The following MFSD2A variants were observed in gnomAD, a reference collection of about 807,000 sequenced individuals.
The protein encoded by MFSD2A is sodium-dependent lysophosphatidylcholine symporter 1.
MFSD2A carries 27 observed loss-of-function variants against 64.7 expected under a neutral mutation model. The observed-to-expected ratio is 0.42, with a 90% CI of 0.31 to 0.58. The LOEUF is 0.58. Ranked by LOEUF, MFSD2A falls within the 20% of genes least tolerant of loss-of-function variation. MFSD2A has a pLI of 0.18. For synonymous variants in MFSD2A, 258 were observed against 273.4 expected (o/e 0.94, Z 0.55); for missense variants, 474 against 679.5 (o/e 0.70, Z 3.36).
In MFSD2A at chr1:39,968,829, A is replaced by G. The variant is rs924028360; in HGVS notation, c.1529+84A>G. The G allele has an allele frequency of 2.1e-6, 3 of 1,455,980 alleles. No individual in the cohort carries two copies. Among genetic ancestry groups the G allele is most frequent in the African/African-American group, 1.4e-5 (1 of 71,800 alleles). 90.2% of individuals were successfully genotyped at this position (1,455,980 alleles called of 1,614,324 possible). On this transcript the variant is annotated intron_variant, in intron 13 of 13. Coordinates refer to ENST00000372811, the MANE Select transcript of MFSD2A (RefSeq NM_032793.5). This position sits in a 1 kb window ranked among gnomAD's most constrained non-coding sequence, Gnocchi z 4.4. ...ATTTGTGTCTCCTGTGGCCAAGTCC[A>G]GACTCACCCCCCACACATCTTCTCT...
chr1:39,957,094 C>T lies in MFSD2A; in HGVS notation c.101C>T (p.Pro34Leu), dbSNP rs761444264. Residue 34 changes from proline (P) to leucine (L), a missense_variant, in exon 2 of 14, where the codon CCG becomes CTG. Coordinates refer to ENST00000372811, the MANE Select transcript of MFSD2A (RefSeq NM_032793.5). ...TTTTCCTCCTCTTCCCAGAAAGAAC[C>T]GAAAAAGAAGAAACAACAGTTGTCT... ...TERPAQVKKEPKKKKQQLSVC... is the reference protein window; with the variant it reads ...TERPAQVKKELKKKKQQLSVC... 7.4e-6 allele frequency: 12 copies of T among 1,613,842 alleles called. No homozygotes were observed. Among genetic ancestry groups the T allele is most frequent in the East Asian group, 2.2e-5 (1 of 44,888 alleles).
intron 8 of MFSD2A, 36 bp downstream of exon 8, chr1:39,966,968 G>A: frequency 6.2e-7 from 1 of 1,613,424 alleles, no homozygotes. Flanking sequence ...CTGAGAAGGA[G>A]GTGTAATGGG....
chr1:39,969,360 G>A, intron 13 of MFSD2A, 145 bp from the exon 14 acceptor site: 1 of 632,782 alleles, frequency 1.6e-6, no homozygotes, highest in Non-Finnish European at 2.8e-6. Flanking sequence ...ACCAACAGTT[G>A]AAAGTGGGAG....
In MFSD2A at chr1:39,966,678, G is replaced by A. The variant is rs779865422; in HGVS notation, c.792G>A (p.Val264=). Residue 264 remains valine (V), a synonymous_variant, in exon 7 of 14, where the codon GTG becomes GTA. Coordinates refer to ENST00000372811, the MANE Select transcript of MFSD2A (RefSeq NM_032793.5). ...IICAVILILG[V]REQREPYEAQ... is the part of the protein sequence containing the mutation. ...GTGCTGTCATCCTGATCCTGGGCGT[G>A]CGGGAGCAGAGAGGTAAGGGGGTGC... 4.3e-6 allele frequency: 7 copies of A among 1,613,916 alleles called. No individual in the cohort carries two copies. Among genetic ancestry groups the A allele is most frequent in the African/African-American group, 1.3e-5 (1 of 74,908 alleles).
rs532489730 is a variant in MFSD2A at position 39,957,070 on chromosome 1, T to G, written c.94-17T>G. 10 of 1,614,130 alleles carry G rather than the reference T, an allele frequency of 6.2e-6. No homozygotes were observed. The highest frequency in any genetic ancestry group is 1.1e-5 in the South Asian group (1 of 91,066). The stretch of plus-strand genomic sequence containing the variant: ...GGCCAGAACCTTGGGCCTTTCATCT[T>G]TTCCTCCTCTTCCCAGAAAGAACCG... On this transcript the variant is annotated splice_polypyrimidine_tract_variant and intron_variant, in intron 1 of 13. Coordinates refer to ENST00000372811, the MANE Select transcript of MFSD2A (RefSeq NM_032793.5).
intron 6 of MFSD2A, among the ~76,000 whole-genome samples, chr1:39,966,261 C>A (rs1032355678): frequency 2.0e-5 from 3 of 152,158 alleles, no homozygotes; most frequent in African/African-American, 7.2e-5. Flanking sequence ...GAATTCTGGG[C>A]TGTCAGACTC....
Position 39,960,215 on chromosome 1 carries a change from C to T in MFSD2A, c.353+1390C>T, listed in dbSNP as rs1482255507. 6.6e-6 allele frequency among the ~76,000 whole-genome samples: 1 copy of T among 152,206 alleles called. No homozygotes were observed. The highest frequency in any genetic ancestry group is 1.5e-5 in the Non-Finnish European group (1 of 68,028). ...GCGGGGGCTCTGGTTCCCTCCAGGA[C>T]ATCCTGCTTCAGGGTGTGGGGGGGC... On this transcript the variant is annotated intron_variant, in intron 3 of 13. Coordinates refer to ENST00000372811, the MANE Select transcript of MFSD2A (RefSeq NM_032793.5). The surrounding 1 kb of genome is among the most constrained non-coding windows in gnomAD (Gnocchi z 4.8).
intron 3 of MFSD2A, among the ~76,000 whole-genome samples, chr1:39,961,324 C>A (rs1557632410): frequency 7.3e-5 from 1 of 13,640 alleles, no homozygotes; most frequent in Non-Finnish European, 2.7e-4. Flanking sequence ...CTTCCCGCCC[C>A]CGCCCCCCCC....
At position 39,960,939 on chromosome 1, in the gene MFSD2A, G is replaced by A. The variant is rs1053954843; in HGVS notation, c.353+2114G>A. 1.3e-5 allele frequency among the ~76,000 whole-genome samples: 2 copies of A among 152,166 alleles called. No individual in the cohort carries two copies. Among genetic ancestry groups the A allele is most frequent in the Admixed American group, 6.5e-5 (1 of 15,278 alleles). On this transcript the variant is annotated intron_variant, in intron 3 of 13. Transcript: ENST00000372811. This position sits in a 1 kb window ranked among gnomAD's most constrained non-coding sequence, Gnocchi z 4.8. The stretch of plus-strand genomic sequence containing the variant: ...TGTATGCCTGCACGCGGGATGGCTC[G>A]TGGGCTGAAGGCTGGTGTGCATATG...
Position 39,968,614 on chromosome 1 carries a change from C to T in MFSD2A, c.1398C>T (p.Val466=). 1 of 1,614,186 alleles carries T rather than the reference C, an allele frequency of 6.2e-7. No individual in the cohort carries two copies. Among genetic ancestry groups the T allele is most frequent in the Non-Finnish European group, 8.5e-7 (1 of 1,180,032 alleles). Residue 466 remains valine (V), a synonymous_variant, in exon 13 of 14, where the codon GTC becomes GTT. Coordinates refer to ENST00000372811, the MANE Select transcript of MFSD2A (RefSeq NM_032793.5). The surrounding 1 kb of genome is among the most constrained non-coding windows in gnomAD (Gnocchi z 4.4). Reference sequence around the variant, plus strand: ...GTGGCTGCTCGCAGCCGGAACGTGTCAAGTTTACACTGAACATGCTCGTGA... The same window carrying T: ...GTGGCTGCTCGCAGCCGGAACGTGTTAAGTTTACACTGAACATGCTCGTGA... ...QTRGCSQPER[V]KFTLNMLVTM...
At position 39,958,947 on chromosome 1, in the gene MFSD2A, C is replaced by A; in HGVS notation, c.353+122C>A. ...GAGGAGAAGGAAGGAGTTAAAAGCC[C>A]AAGGGTGTTGAAACCCCATCCGAGG... is the stretch of plus-strand genomic sequence containing the variant. On this transcript the variant is annotated intron_variant, in intron 3 of 13. Coordinates refer to ENST00000372811, the MANE Select transcript of MFSD2A (RefSeq NM_032793.5). The surrounding 1 kb of genome is among the most constrained non-coding windows in gnomAD (Gnocchi z 4.7). The A allele has an allele frequency of 8.0e-7, 1 of 1,245,978 alleles. No individual in the cohort carries two copies. Among genetic ancestry groups the A allele is most frequent in the Non-Finnish European group, 1.1e-6 (1 of 903,182 alleles). 77.2% of individuals were successfully genotyped at this position (1,245,978 alleles called of 1,614,324 possible). A position where few individuals can be genotyped will look rare whatever the true frequency, so the allele number is the denominator to read the frequency against.
At chr1:39,962,623 G>A (rs1406382742) in intron 3 of MFSD2A, 12 of 826,190 alleles carry the variant, frequency 1.5e-5, no homozygotes, top group East Asian at 1.3e-4. Flanking sequence ...GGTGCCTTCC[G>A]CGGAGGTTTC....
At position 39,967,871 on chromosome 1, in the gene MFSD2A, C is replaced by CTGTGGCAGCTGGCATCAG; in HGVS notation, c.1175_1192dup (p.Gly392_Ala397dup). ...AACCTCATCATTACATATGCGGTAG[C>CTGTGGCAGCTGGCATCAG]TGTGGCAGCTGGCATCAGTGTGGCA... On this transcript the variant is annotated inframe_insertion, in exon 11 of 14. Transcript: ENST00000372811. 6.2e-7 allele frequency: 1 copy of CTGTGGCAGCTGGCATCAG among 1,613,948 alleles called. No homozygotes were observed. Among genetic ancestry groups the CTGTGGCAGCTGGCATCAG allele is most frequent in the South Asian group, 1.1e-5 (1 of 91,068 alleles).
At position 39,968,191 on chromosome 1, in the gene MFSD2A, C is replaced by T. The variant is rs1645204915; in HGVS notation, c.1209-143C>T. ...GTTACTTCCTCTTAGAGCAAGAGGC[C>T]TTTTCTTATTCATGTGAAGGTCCCA... On this transcript the variant is annotated intron_variant, in intron 11 of 13. Coordinates refer to ENST00000372811, the MANE Select transcript of MFSD2A (RefSeq NM_032793.5). This position sits in a 1 kb window ranked among gnomAD's most constrained non-coding sequence, Gnocchi z 4.4. 9.9e-7 allele frequency: 1 copy of T among 1,007,466 alleles called. No homozygotes were observed. Among genetic ancestry groups the T allele is most frequent in the Non-Finnish European group, 1.4e-6 (1 of 690,698 alleles). The allele number at this position is 1,007,466 out of a possible 1,614,324, so 62.4% of individuals were successfully genotyped here.
At position 39,967,664 on chromosome 1, in the gene MFSD2A, T is replaced by A. The variant is rs1645193036; in HGVS notation, c.1048T>A (p.Phe350Ile). Residue 350 changes from phenylalanine (F) to isoleucine (I), a missense_variant, in exon 10 of 14, where the codon TTC (phenylalanine) becomes ATC (isoleucine). Physicochemically the swap from Phe to Ile is conservative, Grantham distance 21 (BLOSUM62 0). Coordinates refer to ENST00000372811, the MANE Select transcript of MFSD2A (RefSeq NM_032793.5). ...TTTAACCATTCCCATCTGGCAGTGG[T>A]TCTTGACCCGGTTTGGCAAGAAGAC... The part of the protein sequence containing the change: ...ATLTIPIWQW[F>I]LTRFGKKTAV... 2 of 1,614,114 alleles carry A rather than the reference T, an allele frequency of 1.2e-6. No homozygotes were observed. Among genetic ancestry groups the A allele is most frequent in the Non-Finnish European group, 1.7e-6 (2 of 1,180,006 alleles).
rs751546287 is a variant in MFSD2A at position 39,965,858 on chromosome 1, G to A, written c.558G>A (p.Arg186=). The A allele has an allele frequency of 1.7e-5, 28 of 1,613,794 alleles. No individual in the cohort carries two copies. The Middle Eastern group carries it at 8.6e-4, about 50-fold the overall frequency. ...AAACACCTCCTTTTCTCCTGCCAGG[G>A]ATGACTGTGGAAGTGCTGGGCACAG... ...QTERDSATAY[R]MTVEVLGTVL... is the part of the protein sequence containing the mutation. Residue 186 remains arginine (R), a splice_region_variant and synonymous_variant, in exon 6 of 14, where the codon CGG becomes CGA. Coordinates refer to ENST00000372811, the MANE Select transcript of MFSD2A (RefSeq NM_032793.5). The surrounding 1 kb of genome is among the most constrained non-coding windows in gnomAD (Gnocchi z 5.5).
intron 2 of MFSD2A, chr1:39,957,840 A>G (rs1388959526): frequency 6.6e-6 from 1 of 151,236 alleles, no homozygotes; most frequent in Non-Finnish European, 1.5e-5. Flanking sequence ...GGGCTCCTGC[A>G]CCAGCTGTCT....
In MFSD2A at chr1:39,955,269, C is replaced by G; in HGVS notation, c.-24C>G. The G allele has an allele frequency of 1.7e-5, 24 of 1,401,300 alleles. No individual in the cohort carries two copies. Among genetic ancestry groups the G allele is most frequent in the Non-Finnish European group, 2.2e-5 (24 of 1,076,484 alleles). The allele number at this position is 1,401,300 out of a possible 1,614,324, so 86.8% of individuals were successfully genotyped here. A position where few individuals can be genotyped will look rare whatever the true frequency, so the allele number is the denominator to read the frequency against. The stretch of plus-strand genomic sequence containing the variant: ...CAGAGGAGCATCCCGTCTACCAGGT[C>G]CCAAGCGGCGTGGCCCGCGGGTCAT... On this transcript the variant is annotated 5_prime_UTR_variant, in exon 1 of 14. Coordinates refer to ENST00000372811, the MANE Select transcript of MFSD2A (RefSeq NM_032793.5). This position sits in a 1 kb window ranked among gnomAD's most constrained non-coding sequence, Gnocchi z 5.9.
At position 39,955,459 on chromosome 1, in the gene MFSD2A, G is replaced by A; in HGVS notation, c.93+74G>A. The A allele has an allele frequency of 7.0e-7, 1 of 1,437,992 alleles. No individual in the cohort carries two copies. The highest frequency in any genetic ancestry group is 9.5e-7 in the Non-Finnish European group (1 of 1,057,512). The allele number at this position is 1,437,992 out of a possible 1,614,324, so 89.1% of individuals were successfully genotyped here. A position where few individuals can be genotyped will look rare whatever the true frequency, so the allele number is the denominator to read the frequency against. ...AAATGGGGGATCAGGGGCGTCCCGG[G>A]GTCGGCCTGGTCAGGGGACCATTGG... is the stretch of plus-strand genomic sequence containing the variant. On this transcript the variant is annotated intron_variant, in intron 1 of 13. Transcript: ENST00000372811. The surrounding 1 kb of genome is among the most constrained non-coding windows in gnomAD (Gnocchi z 5.9).
Sources: gnomAD v4.1 joint callset for allele counts (sites outside exome capture counted in the v4.1 genomes callset) on GRCh38, gnomAD v4.1.1 for gene constraint, Gnocchi (gnomAD v3.1) non-coding constraint, MANE v1.5 for transcripts, NCBI Gene and HGNC (gene_info 2026-07-23, HGNC 2026-07-21) for gene names.